NRXN3: variants seen among roughly 807,000 people sequenced by gnomAD.
NRXN3 encodes the protein neurexin 3, also known as neurexin III.
A neutral mutation model predicts 137.6 loss-of-function variants in NRXN3; 32 were observed. That is an observed-to-expected ratio of 0.23 (90% CI 0.18 to 0.31). The LOEUF is 0.31. Among genes scored for constraint, NRXN3 ranks in the 10% least tolerant of loss-of-function variants. The pLI, the probability that NRXN3 is intolerant of heterozygous loss-of-function variation, is 1.00. For missense variants in NRXN3, 1,574 were observed against 2,062.5 expected, an observed-to-expected ratio of 0.76 and a Z score of 4.59; for synonymous variants, 798 against 784.5, an observed-to-expected ratio of 1.02 and a Z score of -0.29.
chr14:79,763,804 C>T (rs1203477829), intron 19 of NRXN3, among the ~76,000 whole-genome samples: 1 of 151,476 alleles, frequency 6.6e-6, no homozygotes, highest in Non-Finnish European at 1.5e-5. Flanking sequence ...CCCAAAACTC[C>T]ACCTCCTGAT....
intron 15 of NRXN3, among the ~76,000 whole-genome samples, chr14:79,197,911 T>C (rs554077093): frequency 2.2e-4 from 33 of 152,356 alleles, no homozygotes; most frequent in African/African-American, 6.7e-4. Flanking sequence ...CAACTAAGTT[T>C]ATGTAATATT....
chr14:79,622,122 C>G (rs148153332), intron 16 of NRXN3, among the ~76,000 whole-genome samples: 1 of 152,080 alleles, frequency 6.6e-6, no homozygotes, highest in Non-Finnish European at 1.5e-5. Flanking sequence ...GTCAGAGCAA[C>G]GTGAAAGGAT....
At chr14:78,892,075 G>A (rs890224024) in intron 10 of NRXN3, among the ~76,000 whole-genome samples, 24 of 151,914 alleles carry the variant, frequency 1.6e-4, no homozygotes, top group Admixed American at 1.6e-3. Flanking sequence ...TTGGGGACTT[G>A]TTAGAAATGG....
At chr14:79,738,553 TTTTTG>T (rs985866330) in intron 19 of NRXN3, among the ~76,000 whole-genome samples, 1 of 152,032 alleles carries the variant, frequency 6.6e-6, no homozygotes, top group African/African-American at 2.4e-5. Context: ...AATAAATGTG[TTTTTG>T]TTTTGTTTTG....
At chr14:78,713,350 G>A (rs577198244) in intron 7 of NRXN3, among the ~76,000 whole-genome samples, 1 of 152,102 alleles carries the variant, frequency 6.6e-6, no homozygotes, top group Non-Finnish European at 1.5e-5. Flanking sequence ...GGCCTTTGTA[G>A]GTGCCATCCC....
At chr14:79,246,118 A>G (rs1200744177) in intron 15 of NRXN3, among the ~76,000 whole-genome samples, 2 of 152,152 alleles carry the variant, frequency 1.3e-5, no homozygotes, top group Non-Finnish European at 2.9e-5. Flanking sequence ...ATATTTTTCC[A>G]TAGTTGGAAT....
rs112990153 is a variant in NRXN3, at chr14:79,271,129, A to G, written c.3263-196092A>G. Among the ~76,000 whole-genome samples the G allele has an allele frequency of 3.7e-3, 571 of 152,332 alleles. 4 individuals carry two copies. The highest frequency in any genetic ancestry group is 0.013 in the African/African-American group (548 of 41,568). On this transcript the variant is annotated intron_variant, in intron 15 of 20. Transcript: ENST00000335750. ...GTGAGACAGACACTTGAGTCAGGTGATGTTTGAACTAGGATGTTCCCAGAA... is the reference window on the plus strand; with the variant it reads ...GTGAGACAGACACTTGAGTCAGGTGGTGTTTGAACTAGGATGTTCCCAGAA...
At chr14:78,405,439 T>C (rs1450676110) in intron 4 of NRXN3, among the ~76,000 whole-genome samples, 1 of 152,242 alleles carries the variant, frequency 6.6e-6, no homozygotes. Flanking sequence ...CATATTTCCC[T>C]TCCGATCCTG....
intron 15 of NRXN3, chr14:79,280,378 C>T: frequency 6.2e-7 from 1 of 1,614,126 alleles, no homozygotes; most frequent in Non-Finnish European, 8.5e-7. Flanking sequence ...GGGGATGTAT[C>T]GTCAGCTCTG....
chr14:78,360,038 G>A (rs1261833967), intron 4 of NRXN3, among the ~76,000 whole-genome samples: 1 of 152,142 alleles, frequency 6.6e-6, no homozygotes, highest in Non-Finnish European at 1.5e-5. Flanking sequence ...AACAGGAGCT[G>A]CCCCTCACCA....
At chr14:79,206,226 A>G (rs890433559) in intron 15 of NRXN3, among the ~76,000 whole-genome samples, 23 of 152,226 alleles carry the variant, frequency 1.5e-4, no homozygotes, top group Admixed American at 1.4e-3. Context: ...AGATGTATAT[A>G]TGGTGCCTAC....
At chr14:79,748,560 T>C (rs1328062322) in intron 19 of NRXN3, among the ~76,000 whole-genome samples, 1 of 152,096 alleles carries the variant, frequency 6.6e-6, no homozygotes, top group African/African-American at 2.4e-5. Flanking sequence ...GAAGAGTTGC[T>C]TGCCTCCTGC....
chr14:78,380,880 A>G (rs1360699172), intron 4 of NRXN3, among the ~76,000 whole-genome samples: 1 of 151,762 alleles, frequency 6.6e-6, no homozygotes, highest in Non-Finnish European at 1.5e-5. Context: ...GAAGAATGCC[A>G]TGGGAGAAAT....
At chr14:78,470,909 T>C (rs1385692491) in intron 4 of NRXN3, among the ~76,000 whole-genome samples, 1 of 152,134 alleles carries the variant, frequency 6.6e-6, no homozygotes, top group African/African-American at 2.4e-5. Flanking sequence ...GACAGCAACC[T>C]TCCGAAGGTC....
chr14:79,189,367 TCA>T, intron 15 of NRXN3, among the ~76,000 whole-genome samples: 2 of 121,650 alleles, frequency 1.6e-5, no homozygotes, highest in Admixed American at 2.1e-4. Context: ...AAGGGGAACA[TCA>T]CACTCTGGGG....
At chr14:78,795,842 C>T (rs1283120308) in intron 8 of NRXN3, among the ~76,000 whole-genome samples, 1 of 152,158 alleles carries the variant, frequency 6.6e-6, no homozygotes, top group Non-Finnish European at 1.5e-5. Flanking sequence ...GTCATAAGGA[C>T]ACACAGCAAA....
intron 8 of NRXN3, among the ~76,000 whole-genome samples, chr14:78,782,233 A>G (rs1265015790): frequency 6.6e-6 from 1 of 152,242 alleles, no homozygotes; most frequent in African/African-American, 2.4e-5. Flanking sequence ...TCCTCCATAG[A>G]GTAGAACCTG....
intron 8 of NRXN3, among the ~76,000 whole-genome samples, chr14:78,773,263 C>T (rs2098734173): frequency 1.3e-5 from 2 of 152,182 alleles, no homozygotes; most frequent in African/African-American, 4.8e-5. Flanking sequence ...CTGAGTTTTT[C>T]CCCTAGCTCC....
intron 15 of NRXN3, among the ~76,000 whole-genome samples, chr14:79,440,642 A>C (rs2095921833): frequency 6.6e-6 from 1 of 152,196 alleles, no homozygotes; most frequent in Non-Finnish European, 1.5e-5. Context: ...TGGCCAATAC[A>C]TAAAAGATTC....
Sources: allele counts gnomAD v4.1 joint callset (sites outside exome capture counted in the v4.1 genomes callset), GRCh38; gene constraint gnomAD v4.1.1; transcripts MANE v1.5; gene names NCBI Gene and HGNC (gene_info 2026-07-23, HGNC 2026-07-21).